Variants in SNAPC3 observed in about 807,000 individuals in gnomAD.
SNAPC3 encodes the protein snRNA-activating protein complex subunit 3.
Under a neutral mutation model 47.7 loss-of-function variants are expected in SNAPC3, and 56 were observed. That is an observed-to-expected ratio of 1.18 (90% CI 0.95 to 1.47). The LOEUF is 1.47. SNAPC3 is among the 40% of genes most tolerant of loss of function. The probability of loss-of-function intolerance (pLI) is 0.00; values close to 1 mark genes in which losing one functional copy is unlikely to be tolerated. For synonymous variants in SNAPC3, 235 were observed against 189.9 expected, an observed-to-expected ratio of 1.24 and a Z score of -1.95; for missense variants, 665 against 511.3, an observed-to-expected ratio of 1.30 and a Z score of -2.90.
chr9:15,425,497 C>T (rs573032105), intron 2 of SNAPC3, among the ~76,000 whole-genome samples: 1 of 152,166 alleles, frequency 6.6e-6, no homozygotes, highest in South Asian at 2.1e-4. Flanking sequence ...GGATTACATG[C>T]GTGAGCCGCC....
chr9:15,439,404 T>C (rs1297837108), intron 3 of SNAPC3, among the ~76,000 whole-genome samples: 1 of 152,236 alleles, frequency 6.6e-6, no homozygotes, highest in Non-Finnish European at 1.5e-5. Context: ...ATTTTGTTTT[T>C]AGAGGTGGGT....
At chr9:15,442,380 A>G (rs995578613) in intron 3 of SNAPC3, among the ~76,000 whole-genome samples, 25 of 139,822 alleles carry the variant, frequency 1.8e-4, no homozygotes, top group Non-Finnish European at 3.6e-4. Context: ...CAGACAGGGC[A>G]GCTGCTGGGC....
chr9:15,443,488 G>A (rs1341705045), intron 3 of SNAPC3, among the ~76,000 whole-genome samples: 1 of 152,086 alleles, frequency 6.6e-6, no homozygotes, highest in African/African-American at 2.4e-5. Flanking sequence ...TGTAGCACGT[G>A]TATTACTTGT....
At chr9:15,443,242 T>C (rs1350876938) in intron 3 of SNAPC3, among the ~76,000 whole-genome samples, 1 of 152,060 alleles carries the variant, frequency 6.6e-6, no homozygotes, top group African/African-American at 2.4e-5. Flanking sequence ...TTAGTGGACT[T>C]TTATTTATGT....
chr9:15,447,236 A>G lies in SNAPC3; in HGVS notation c.724A>G (p.Ile242Val). The change falls in exon 5 of 9, where the codon ATC becomes GTC. Residue 242 changes from isoleucine (I) to valine (V), a missense_variant. Transcript: ENST00000380821. Reference sequence around the variant, plus strand: ...CACTCCTGACCAAGCCCCTGAGCACATCAGCAAAGTAAGGTGATTTCCTCC... The same window carrying G: ...CACTCCTGACCAAGCCCCTGAGCACGTCAGCAAAGTAAGGTGATTTCCTCC... Reference protein sequence around the residue: ...SNTPDQAPEHISKDLYKSAFF... With the variant: ...SNTPDQAPEHVSKDLYKSAFF... 6.2e-7 allele frequency: 1 copy of G among 1,614,084 alleles called. No homozygotes were observed. The highest frequency in any genetic ancestry group is 8.5e-7 in the Non-Finnish European group (1 of 1,179,936).
chr9:15,459,686 G>C, intron 8 of SNAPC3, 33 bp from the exon 9 acceptor site: 1 of 1,597,716 alleles, frequency 6.3e-7, no homozygotes. Context: ...AAATTTGATT[G>C]TAATGATGTA....
At chr9:15,428,016 C>G (rs1488348370) in intron 2 of SNAPC3, among the ~76,000 whole-genome samples, 1 of 145,652 alleles carries the variant, frequency 6.9e-6, no homozygotes, top group African/African-American at 2.6e-5. Context: ...GAGGCTGAGG[C>G]AAGAGAATCA....
intron 3 of SNAPC3, among the ~76,000 whole-genome samples, chr9:15,434,795 T>A (rs2032589598): frequency 6.6e-6 from 1 of 152,232 alleles, no homozygotes. Context: ...GGCTGAATAC[T>A]ATCTATTGTA....
intron 3 of SNAPC3, 77 bp from the exon 4 acceptor site, chr9:15,444,525 G>C: frequency 1.1e-6 from 1 of 880,812 alleles, no homozygotes; most frequent in Non-Finnish European, 1.8e-6. Context: ...TCGATCCCTT[G>C]CTGATAGCCA....
intron 3 of SNAPC3, among the ~76,000 whole-genome samples, chr9:15,443,401 T>G (rs1291604055): frequency 6.6e-6 from 1 of 152,180 alleles, no homozygotes; most frequent in East Asian, 1.9e-4. Flanking sequence ...TTATATGTTT[T>G]TTTGAGAACT....
chr9:15,444,516 C>G, intron 3 of SNAPC3, 86 bp from the exon 4 acceptor site: 1 of 796,284 alleles, frequency 1.3e-6, no homozygotes, highest in Non-Finnish European at 2.1e-6. Flanking sequence ...CTGCTTGACT[C>G]GATCCCTTGC....
At chr9:15,448,930 C>A (rs1233935031) in intron 5 of SNAPC3, among the ~76,000 whole-genome samples, 1 of 151,990 alleles carries the variant, frequency 6.6e-6, no homozygotes, top group Non-Finnish European at 1.5e-5. Context: ...GTGCTTCAGC[C>A]TCCCAAGTAG....
intron 2 of SNAPC3, among the ~76,000 whole-genome samples, chr9:15,425,610 C>A (rs1405131510): frequency 6.6e-6 from 1 of 152,218 alleles, no homozygotes; most frequent in Non-Finnish European, 1.5e-5. Context: ...CTGCCTTAAA[C>A]TCTTAACATT....
rs1241015431 is a variant in SNAPC3, at chr9:15,451,337, C to G, written c.750C>G (p.Ala250=). ...EHISKDLYKS[A]FFYFEGTFYN... ...TCTTGTAGGACCTATACAAATCAGC[C>G]TTCTTTTATTTTGAAGGAACATTTT... Residue 250 remains alanine (A), a synonymous_variant, in exon 6 of 9, where the codon GCC becomes GCG. Transcript: ENST00000380821. 1 of 1,490,340 alleles carries G rather than the reference C, an allele frequency of 6.7e-7. No homozygotes were observed. The allele number at this position is 1,490,340 out of a possible 1,614,324, so 92.3% of individuals were successfully genotyped here.
downstream of SNAPC3, among the ~76,000 whole-genome samples, chr9:15,466,213 A>G (rs1182441400): frequency 1.3e-5 from 2 of 152,194 alleles, no homozygotes; most frequent in African/African-American, 4.8e-5. Context: ...CCTCATCTCT[A>G]CTAAAAATAC....
chr9:15,462,034 C>A (rs1470029025), downstream of SNAPC3: 1 of 152,102 alleles, frequency 6.6e-6, no homozygotes, highest in Non-Finnish European at 1.5e-5. Context: ...ATTTTCAATA[C>A]TGCGTTCCTT....
At chr9:15,466,583 G>A (rs943814302), downstream of SNAPC3, among the ~76,000 whole-genome samples, 5 of 152,266 alleles carry the variant, frequency 3.3e-5, no homozygotes, top group African/African-American at 7.2e-5. Flanking sequence ...TCAATAAAAG[G>A]TTTTTACTCT....
At chr9:15,441,922 C>T (rs1412326046) in intron 3 of SNAPC3, among the ~76,000 whole-genome samples, 4 of 152,166 alleles carry the variant, frequency 2.6e-5, no homozygotes, top group Admixed American at 6.5e-5. Context: ...ACCTCCCAGA[C>T]GTGGTGGCGG....
In SNAPC3 at chr9:15,460,606, G is replaced by A. The variant is rs2035136768; in HGVS notation, c.*740G>A. On this transcript the variant is annotated 3_prime_UTR_variant, in exon 9 of 9. Coordinates refer to ENST00000380821, the MANE Select transcript of SNAPC3 (RefSeq NM_001039697.2). The stretch of plus-strand genomic sequence containing the variant: ...GGGTTTCACCATGTTGGCCAGGCTG[G>A]TCTCAAACTCCTAACCTCAGGCGAT... 1 of 152,236 alleles carries A rather than the reference G, an allele frequency of 6.6e-6. No homozygotes were observed. Among genetic ancestry groups the A allele is most frequent in the Admixed American group, 6.5e-5 (1 of 15,280 alleles). 9.4% of individuals were successfully genotyped at this position (152,236 alleles called of 1,614,324 possible). A position where few individuals can be genotyped will look rare whatever the true frequency, so the allele number is the denominator to read the frequency against.
Sources: allele counts gnomAD v4.1 joint callset (sites outside exome capture counted in the v4.1 genomes callset), GRCh38; gene constraint gnomAD v4.1.1; transcripts MANE v1.5; gene names NCBI Gene and HGNC (gene_info 2026-07-23, HGNC 2026-07-21).